MBD5: variants seen among roughly 807,000 people sequenced by gnomAD.
MBD5 encodes methyl-CpG binding domain protein 5, also known as methyl-CpG-binding domain protein 5.
A neutral mutation model predicts 117.3 loss-of-function variants in MBD5; 13 were observed. The ratio of observed to expected loss-of-function variants is 0.11; its 90% confidence interval spans 0.07 to 0.18. MBD5 has a LOEUF of 0.18. MBD5 is among the 10% of genes least tolerant of loss of function. The probability of loss-of-function intolerance (pLI) is 1.00; values close to 1 mark genes in which losing one functional copy is unlikely to be tolerated. For missense variants in MBD5, 1,879 were observed against 2,093.8 expected (o/e 0.90, Z 2.00); for synonymous variants, 727 against 766.4 (o/e 0.95, Z 0.85).
chr2:148,405,245 A>G (rs895195250), intron 4 of MBD5, among the ~76,000 whole-genome samples: 2 of 152,234 alleles, frequency 1.3e-5, no homozygotes, highest in Non-Finnish European at 2.9e-5. Flanking sequence ...GGAAATAAAC[A>G]CATAAATAAA....
chr2:148,183,545 A>G (rs1698579336), intron 2 of MBD5, among the ~76,000 whole-genome samples: 1 of 151,690 alleles, frequency 6.6e-6, no homozygotes, highest in South Asian at 2.1e-4. Context: ...GGATGTATAT[A>G]TATCTCTCCT....
intron 4 of MBD5, among the ~76,000 whole-genome samples, chr2:148,445,639 T>C (rs1313630227): frequency 6.6e-6 from 1 of 151,394 alleles, no homozygotes; most frequent in Non-Finnish European, 1.5e-5. Flanking sequence ...TATACTCCTT[T>C]GGGTATATAC....
rs189839797 is a variant in MBD5, at chr2:148,104,435, T to C, written c.-924-74265T>C. Among the ~76,000 whole-genome samples the C allele has an allele frequency of 4.1e-3, 620 of 152,338 alleles. 2 individuals carry two copies. The highest frequency in any genetic ancestry group is 7.9e-3 in the Non-Finnish European group (534 of 68,020). On this transcript the variant is annotated intron_variant, in intron 1 of 13. Transcript: ENST00000642680. Reference sequence around the variant, plus strand: ...AAACACTAAACCAGTGTCTTTATTATGCTTATTTGTCCCAACCTGCAATAT... The same window carrying C: ...AAACACTAAACCAGTGTCTTTATTACGCTTATTTGTCCCAACCTGCAATAT...
intron 4 of MBD5, among the ~76,000 whole-genome samples, chr2:148,438,417 G>C (rs192525262): frequency 2.0e-5 from 3 of 152,228 alleles, no homozygotes; most frequent in Admixed American, 2.0e-4. Flanking sequence ...ATAATAATTA[G>C]CTTTATACTT....
chr2:148,114,991 T>A (rs1224433605), intron 1 of MBD5, among the ~76,000 whole-genome samples: 1 of 152,146 alleles, frequency 6.6e-6, no homozygotes, highest in Non-Finnish European at 1.5e-5. Context: ...TATATGTATA[T>A]GCATATGTAT....
chr2:148,290,257 CA>C (rs1473254025), intron 3 of MBD5, among the ~76,000 whole-genome samples: 57 of 150,680 alleles, frequency 3.8e-4, no homozygotes, highest in Admixed American at 2.8e-3. Context: ...CGCACCCAGC[CA>C]AAAATCATGT....
chr2:148,205,022 A>G (rs1699241721), intron 2 of MBD5, among the ~76,000 whole-genome samples: 1 of 152,002 alleles, frequency 6.6e-6, no homozygotes. Context: ...AAAATATACC[A>G]CTTCTACCTG....
chr2:148,079,372 A>G (rs138891865), intron 1 of MBD5, among the ~76,000 whole-genome samples: 2 of 152,292 alleles, frequency 1.3e-5, no homozygotes, highest in African/African-American at 4.8e-5. Context: ...ATATTGTTAT[A>G]GTTATAGAAT....
chr2:148,224,434 C>G (rs1182826484), intron 2 of MBD5, among the ~76,000 whole-genome samples: 1 of 151,640 alleles, frequency 6.6e-6, no homozygotes, highest in Non-Finnish European at 1.5e-5. Flanking sequence ...CCTCTGCTTC[C>G]CAGGTTCAAG....
intron 4 of MBD5, among the ~76,000 whole-genome samples, chr2:148,386,256 A>G (rs2105483917): frequency 6.6e-6 from 1 of 152,330 alleles, no homozygotes; most frequent in East Asian, 1.9e-4. Flanking sequence ...ACATACATTC[A>G]GCCAATGGGA....
At chr2:148,274,638 G>T (rs2106355802) in intron 3 of MBD5, among the ~76,000 whole-genome samples, 1 of 151,356 alleles carries the variant, frequency 6.6e-6, no homozygotes, top group South Asian at 2.1e-4. Flanking sequence ...AATACTTAGT[G>T]TCTTTGGAAA....
At chr2:148,218,624 A>C (rs1050211182) in intron 2 of MBD5, among the ~76,000 whole-genome samples, 28 of 152,184 alleles carry the variant, frequency 1.8e-4, no homozygotes, top group African/African-American at 6.8e-4. Context: ...AGAAATCTAG[A>C]TGTTATAGCC....
chr2:148,198,882 A>T (rs1054626063), intron 2 of MBD5, among the ~76,000 whole-genome samples: 1 of 151,910 alleles, frequency 6.6e-6, no homozygotes, highest in Non-Finnish European at 1.5e-5. Context: ...GGAGGATTGT[A>T]TTGTTCAGGG....
Position 148,143,699 on chromosome 2 carries a change from G to A in MBD5, c.-924-35001G>A, listed in dbSNP as rs1216325682. On this transcript the variant is annotated intron_variant, in intron 1 of 13. Transcript: ENST00000642680. ...TTCCAACCTATGAATGAGACCATAA[G>A]GTGTTTGGTTTTCTGTCCTTGCGAC... Among the ~76,000 whole-genome samples the A allele has an allele frequency of 3.3e-5, 5 of 152,124 alleles. No individual in the cohort carries two copies. In the South Asian group the frequency reaches 1.0e-3, roughly 32 times the overall value.
Position 148,257,996 on chromosome 2 carries a change from G to A in MBD5, c.-680+24601G>A, listed in dbSNP as rs1447592449. ...CAGTTTCTATCAGGCTTTCTAACTG[G>A]CCACACTGGAGAACTGTAGGGGCTA... On this transcript the variant is annotated intron_variant, in intron 3 of 13. Coordinates refer to ENST00000642680, the MANE Select transcript of MBD5 (RefSeq NM_001378120.1). Among the ~76,000 whole-genome samples, 5 of 152,110 alleles carry A rather than the reference G, an allele frequency of 3.3e-5. No homozygotes were observed. In the East Asian group the frequency reaches 7.7e-4, roughly 23 times the overall value.
chr2:148,051,350 T>G (rs1694695708), intron 1 of MBD5, among the ~76,000 whole-genome samples: 1 of 152,072 alleles, frequency 6.6e-6, no homozygotes, highest in South Asian at 2.1e-4. Context: ...TAAGATTATG[T>G]CATCTGCAAA....
chr2:148,464,841 C>T (rs1229478896), intron 7 of MBD5, among the ~76,000 whole-genome samples: 2 of 150,038 alleles, frequency 1.3e-5, no homozygotes, highest in Non-Finnish European at 3.0e-5. Context: ...GGTGGTGGCT[C>T]ATACCTTTAG....
intron 4 of MBD5, among the ~76,000 whole-genome samples, chr2:148,374,822 T>A (rs1250241808): frequency 6.6e-6 from 1 of 152,176 alleles, no homozygotes; most frequent in Non-Finnish European, 1.5e-5. Context: ...CTCCCACACA[T>A]GCGTATGACT....
At position 148,306,483 on chromosome 2, in the gene MBD5, C is replaced by A. The variant is rs529016444; in HGVS notation, c.-679-35731C>A. Reference sequence around the variant, plus strand: ...TGAACTTATACAAACAACTATATTGCCATAAAAATAATAATACTCAATAAT... The same window carrying A: ...TGAACTTATACAAACAACTATATTGACATAAAAATAATAATACTCAATAAT... On this transcript the variant is annotated intron_variant, in intron 3 of 13. Transcript: ENST00000642680. Among the ~76,000 whole-genome samples, 4 of 152,042 alleles carry A rather than the reference C, an allele frequency of 2.6e-5. No individual in the cohort carries two copies. The South Asian group carries it at 8.3e-4, about 32-fold the overall frequency.
Sources: allele counts gnomAD v4.1 joint callset (sites outside exome capture counted in the v4.1 genomes callset), GRCh38; gene constraint gnomAD v4.1.1; transcripts MANE v1.5; gene names NCBI Gene and HGNC (gene_info 2026-07-23, HGNC 2026-07-21).